The following INPP5B variants were observed in gnomAD, a reference collection of about 807,000 sequenced individuals.
INPP5B encodes type II inositol 1,4,5-trisphosphate 5-phosphatase.
A neutral mutation model predicts 118.5 loss-of-function variants in INPP5B; 90 were observed. The ratio of observed to expected loss-of-function variants is 0.76; its 90% CI spans 0.64 to 0.90. The LOEUF is 0.90. Ranked by LOEUF, INPP5B falls within the 40% of genes least tolerant of loss-of-function variation. INPP5B has a pLI of 0.00. For missense variants in INPP5B, 984 were observed against 1,125.6 expected, an observed-to-expected ratio of 0.87 and a Z score of 1.80; for synonymous variants, 385 against 418.9, an observed-to-expected ratio of 0.92 and a Z score of 0.99.
chr1:37,875,723 G>C lies in INPP5B; in HGVS notation c.1678-7C>G, dbSNP rs897316257. The C allele has an allele frequency of 6.2e-7, 1 of 1,606,638 alleles. No homozygotes were observed. Among genetic ancestry groups the C allele is most frequent in the Admixed American group, 1.7e-5 (1 of 60,008 alleles). ...CGTCATTTACGACCCTCACCTGAAAGGGAAACATCAGAGACTGAGTACCTT... is the reference window on the plus strand; with the variant it reads ...CGTCATTTACGACCCTCACCTGAAACGGAAACATCAGAGACTGAGTACCTT... On this transcript the variant is annotated splice_region_variant and splice_polypyrimidine_tract_variant and intron_variant, in intron 16 of 23. Transcript: ENST00000373024.
At chr1:37,875,151 A>G (rs1642708372) in intron 17 of INPP5B, among the ~76,000 whole-genome samples, 1 of 152,184 alleles carries the variant, frequency 6.6e-6, no homozygotes, top group African/African-American at 2.4e-5. Flanking sequence ...CATCAGCCTC[A>G]CTTTATCGAA....
At chr1:37,921,458 T>C (rs1214660953) in intron 7 of INPP5B, among the ~76,000 whole-genome samples, 1 of 152,212 alleles carries the variant, frequency 6.6e-6, no homozygotes, top group African/African-American at 2.4e-5. Flanking sequence ...TTCTTCAAAG[T>C]TAAATAACCA....
chr1:37,900,475 G>T (rs1270563094), intron 7 of INPP5B, among the ~76,000 whole-genome samples: 1 of 150,932 alleles, frequency 6.6e-6, no homozygotes, highest in Non-Finnish European at 1.5e-5. Flanking sequence ...GGCTGGTCTT[G>T]AACTCCTGAC....
chr1:37,897,220 C>T (rs992773718), intron 7 of INPP5B, among the ~76,000 whole-genome samples: 7 of 151,692 alleles, frequency 4.6e-5, no homozygotes, highest in African/African-American at 1.7e-4. Flanking sequence ...GCCACCACCC[C>T]GTCTGGGAGG....
rs1468773282 is a variant in INPP5B, at chr1:37,940,758, G to A, written c.321C>T (p.Ser107=). ...AACCAAAGGGCAGTTGGAATACGAG[G>A]CTAAGCTCTGCTGTGTCCAGCTGGA... The part of the protein sequence containing the change: ...VTVQLDTAEL[S]LVFQLPFGSQ... Residue 107 remains serine (S), a synonymous_variant, in exon 6 of 24, where the codon AGC becomes AGT. Transcript: ENST00000373024. The A allele has an allele frequency of 6.2e-7, 1 of 1,614,036 alleles. No homozygotes were observed. The highest frequency in any genetic ancestry group is 2.2e-5 in the East Asian group (1 of 44,876).
At chr1:37,940,182 C>G (rs1198206762) in intron 6 of INPP5B, among the ~76,000 whole-genome samples, 3 of 152,208 alleles carry the variant, frequency 2.0e-5, no homozygotes, top group Admixed American at 2.0e-4. Context: ...CTCTCCTTTA[C>G]CTGCCGGGCT....
At chr1:37,935,382 T>C (rs1034636986) in intron 6 of INPP5B, among the ~76,000 whole-genome samples, 18 of 150,902 alleles carry the variant, frequency 1.2e-4, no homozygotes, top group Admixed American at 3.9e-4. Flanking sequence ...TTAGTAGAGA[T>C]GGGGTTTCAC....
intron 5 of INPP5B, among the ~76,000 whole-genome samples, chr1:37,942,967 T>C (rs1237930042): frequency 2.0e-5 from 3 of 151,748 alleles, no homozygotes; most frequent in Non-Finnish European, 4.4e-5. Context: ...CATGTATCCA[T>C]GGGATACAAA....
intron 7 of INPP5B, among the ~76,000 whole-genome samples, chr1:37,896,293 G>A (rs1201845312): frequency 6.8e-6 from 1 of 148,008 alleles, no homozygotes; most frequent in African/African-American, 2.5e-5. Flanking sequence ...CCCCGTCTGA[G>A]AAGTGAGGAG....
At chr1:37,944,457 T>C (rs1266329936) in intron 3 of INPP5B, among the ~76,000 whole-genome samples, 1 of 152,150 alleles carries the variant, frequency 6.6e-6, no homozygotes, top group East Asian at 1.9e-4. Context: ...GGGGTCTCAC[T>C]ATATTGCCCA....
chr1:37,872,271 G>A (rs1430469677), intron 19 of INPP5B, among the ~76,000 whole-genome samples: 2 of 150,720 alleles, frequency 1.3e-5, no homozygotes, highest in Admixed American at 6.6e-5. Context: ...TCAGGAGGCT[G>A]AGGCAGAAGA....
chr1:37,905,461 G>A (rs1361743395), intron 7 of INPP5B, among the ~76,000 whole-genome samples: 1 of 152,100 alleles, frequency 6.6e-6, no homozygotes, highest in East Asian at 1.9e-4. Context: ...CAAAATTATG[G>A]AAAACTCCTA....
At chr1:37,931,480 C>G (rs746680494) in intron 7 of INPP5B, 1 of 1,533,624 alleles carries the variant, frequency 6.5e-7, no homozygotes, top group Admixed American at 2.0e-5. Context: ...ACCCGCCTAC[C>G]CTCGTCACGC....
intron 7 of INPP5B, among the ~76,000 whole-genome samples, chr1:37,896,906 G>A (rs188359764): frequency 0.072 from 8,904 of 123,376 alleles, 778 homozygotes; most frequent in Middle Eastern, 0.13. Context: ...GAAGTGAGGG[G>A]CGCTCTGCCC....
intron 8 of INPP5B, among the ~76,000 whole-genome samples, chr1:37,890,976 C>T (rs937975276): frequency 2.0e-5 from 3 of 152,094 alleles, no homozygotes; most frequent in African/African-American, 7.2e-5. Flanking sequence ...CCTGTAATCC[C>T]AGCACTTTGG....
chr1:37,862,258 T>C lies in INPP5B; in HGVS notation c.*57A>G. On this transcript the variant is annotated 3_prime_UTR_variant, in exon 24 of 24. Coordinates refer to ENST00000373024, the MANE Select transcript of INPP5B (RefSeq NM_005540.3). ...AATTATCTTAAGGCATCTCTTGAGC[T>C]GAAACAGGTGGGGCTGGTAATTGGC... The C allele has an allele frequency of 2.6e-6, 3 of 1,139,534 alleles. No homozygotes were observed. Among genetic ancestry groups the C allele is most frequent in the Non-Finnish European group, 4.0e-6 (3 of 753,308 alleles). The allele number at this position is 1,139,534 out of a possible 1,614,324, so 70.6% of individuals were successfully genotyped here.
chr1:37,927,672 G>A (rs1488901762), intron 7 of INPP5B, among the ~76,000 whole-genome samples: 1 of 151,790 alleles, frequency 6.6e-6, no homozygotes, highest in Non-Finnish European at 1.5e-5. Flanking sequence ...GAGTAGCTGG[G>A]ACTACAGGCG....
At chr1:37,928,675 TAGTAG>T (rs1490755239) in intron 7 of INPP5B, 2 of 152,142 alleles carry the variant, frequency 1.3e-5, no homozygotes, top group Non-Finnish European at 2.9e-5. Flanking sequence ...TTTATATTTT[TAGTAG>T]AGACAGGATT....
chr1:37,915,082 G>GCAAAT (rs1429581474), intron 7 of INPP5B, among the ~76,000 whole-genome samples: 11 of 152,160 alleles, frequency 7.2e-5, no homozygotes, highest in African/African-American at 2.7e-4. Context: ...TATTTTTCTT[G>GCAAAT]CAAATTCTGT....
Sources: allele counts gnomAD v4.1 joint callset (sites outside exome capture counted in the v4.1 genomes callset), GRCh38; gene constraint gnomAD v4.1.1; transcripts MANE v1.5; gene names NCBI Gene and HGNC (gene_info 2026-07-23, HGNC 2026-07-21).